Variants in SLC16A12 observed in about 807,000 individuals in gnomAD.
The protein encoded by SLC16A12 is solute carrier family 16 member 12, also known as monocarboxylate transporter 12.
SLC16A12 carries 17 observed loss-of-function variants against 42.4 expected under a neutral mutation model. The ratio of observed to expected loss-of-function variants is 0.40; its 90% CI spans 0.27 to 0.60. SLC16A12 has a LOEUF of 0.60. Ranked by LOEUF, SLC16A12 falls within the 20% of genes least tolerant of loss-of-function variation. SLC16A12 has a pLI of 0.42. For missense variants in SLC16A12, 544 were observed against 623.0 expected, an observed-to-expected ratio of 0.87 and a Z score of 1.35; for synonymous variants, 224 against 229.4, an observed-to-expected ratio of 0.98 and a Z score of 0.21.
chr10:89,489,464 G>A (rs975829333), intron 2 of SLC16A12, among the ~76,000 whole-genome samples: 8 of 151,886 alleles, frequency 5.3e-5, no homozygotes, highest in African/African-American at 1.7e-4. Context: ...TCAACCTCCC[G>A]ATTACCTGGG....
intron 6 of SLC16A12, among the ~76,000 whole-genome samples, chr10:89,436,954 T>A (rs1158628306): frequency 2.0e-5 from 3 of 148,294 alleles, no homozygotes; most frequent in Non-Finnish European, 3.0e-5. Context: ...TGTAAGAAAG[T>A]TTACAAATTT....
At position 89,503,309 on chromosome 10, in the gene SLC16A12, A is replaced by G. The variant is rs185909505; in HGVS notation, c.-47+31192T>C. 1.4e-3 allele frequency among the ~76,000 whole-genome samples: 216 copies of G among 152,332 alleles called. 2 individuals are homozygous for G. Among genetic ancestry groups the G allele is most frequent in the African/African-American group, 3.9e-3 (162 of 41,572 alleles). Reference sequence around the variant, plus strand: ...CCTTGTTTTATTTGAAAAAGATTAAAAAGGTGGTGACTCACTTTAATAGGA... The same window carrying G: ...CCTTGTTTTATTTGAAAAAGATTAAGAAGGTGGTGACTCACTTTAATAGGA... On this transcript the variant is annotated intron_variant, in intron 2 of 7. Transcript: ENST00000371790.
At chr10:89,469,500 T>C (rs139211333) in intron 2 of SLC16A12, among the ~76,000 whole-genome samples, 482 of 152,346 alleles carry the variant, frequency 3.2e-3, no homozygotes, top group African/African-American at 9.9e-3. Flanking sequence ...ACAAATTTCT[T>C]ATAGTCAGTA....
At chr10:89,458,975 C>T (rs570599620) in intron 3 of SLC16A12, among the ~76,000 whole-genome samples, 3 of 152,094 alleles carry the variant, frequency 2.0e-5, no homozygotes, top group South Asian at 2.1e-4. Flanking sequence ...TGTGGTATGT[C>T]GGAGGAGGGG....
chr10:89,458,700 G>A (rs1018364235), intron 3 of SLC16A12, among the ~76,000 whole-genome samples: 30 of 152,136 alleles, frequency 2.0e-4, no homozygotes, highest in Admixed American at 1.6e-3. Flanking sequence ...TTACGATTTG[G>A]TTGGGAACAA....
intron 2 of SLC16A12, among the ~76,000 whole-genome samples, chr10:89,497,224 T>C (rs1391326748): frequency 6.6e-6 from 1 of 152,192 alleles, no homozygotes; most frequent in Non-Finnish European, 1.5e-5. Context: ...AACTTAAAAC[T>C]GCTCTAAGAA....
upstream of SLC16A12, among the ~76,000 whole-genome samples, chr10:89,535,858 C>G (rs1843650816): frequency 6.6e-6 from 1 of 152,226 alleles, no homozygotes; most frequent in Non-Finnish European, 1.5e-5. Context: ...GGGCCGGGGG[C>G]CTAGCTGGCA....
At chr10:89,502,094 T>G (rs1470129569) in intron 2 of SLC16A12, among the ~76,000 whole-genome samples, 2 of 152,108 alleles carry the variant, frequency 1.3e-5, no homozygotes, top group Non-Finnish European at 2.9e-5. Context: ...TGTCACTGTC[T>G]CAGTTAGGGA....
chr10:89,500,099 A>G (rs1385543591), intron 2 of SLC16A12, among the ~76,000 whole-genome samples: 2 of 152,152 alleles, frequency 1.3e-5, no homozygotes, highest in Non-Finnish European at 2.9e-5. Context: ...CAAAGCAGGA[A>G]GAATTAGAAA....
At chr10:89,521,221 C>G (rs1213279909) in intron 2 of SLC16A12, among the ~76,000 whole-genome samples, 3 of 152,322 alleles carry the variant, frequency 2.0e-5, no homozygotes, top group Admixed American at 2.0e-4. Context: ...GACATTGTAG[C>G]TGATCCCATT....
At chr10:89,489,837 A>G (rs1323159631) in intron 2 of SLC16A12, among the ~76,000 whole-genome samples, 1 of 152,214 alleles carries the variant, frequency 6.6e-6, no homozygotes, top group Non-Finnish European at 1.5e-5. Flanking sequence ...ATATGATGAA[A>G]AAAGGTATAA....
At chr10:89,490,258 G>C (rs147996380) in intron 2 of SLC16A12, among the ~76,000 whole-genome samples, 84 of 152,220 alleles carry the variant, frequency 5.5e-4, no homozygotes, top group African/African-American at 1.6e-3. Flanking sequence ...AGGTCATGTC[G>C]GTTTATATGT....
upstream of SLC16A12, among the ~76,000 whole-genome samples, chr10:89,535,751 G>C (rs981840004): frequency 2.6e-5 from 4 of 152,002 alleles, no homozygotes; most frequent in African/African-American, 9.7e-5. Flanking sequence ...CCGCCGAGCC[G>C]CGTCCCTGCG....
rs552215382 is a variant in SLC16A12 at position 89,550,375 on chromosome 10, C to T, written c.-47+5507G>A. ...CTCTACTAAAAATACAAAAATTAGACGGGTGTGGTGGCAGGTGCCTGTAAT... is the reference window on the plus strand; with the variant it reads ...CTCTACTAAAAATACAAAAATTAGATGGGTGTGGTGGCAGGTGCCTGTAAT... On this transcript the variant is annotated intron_variant, in intron 2 of 2. Transcript: ENST00000475682. 3.7e-4 allele frequency among the ~76,000 whole-genome samples: 56 copies of T among 152,124 alleles called. No individual in the cohort carries two copies. In the East Asian group the frequency reaches 7.9e-3, roughly 22 times the overall value.
intron 2 of SLC16A12, among the ~76,000 whole-genome samples, chr10:89,507,396 C>G (rs999070889): frequency 3.9e-5 from 6 of 152,180 alleles, no homozygotes; most frequent in Non-Finnish European, 5.9e-5. Context: ...CCCTACAAGC[C>G]AGAAGGGAGT....
In SLC16A12 at chr10:89,486,664, A is replaced by AAAGAAAGAAAGAAAGG. The variant is rs1564585989; in HGVS notation, c.-46-24041_-46-24040insCCTTTCTTTCTTTCTT. On this transcript the variant is annotated intron_variant, in intron 2 of 7. Transcript: ENST00000371790. Reference sequence around the variant, plus strand: ...GAAAGAAAGAAAGAAAGAAAGAAAGAAAAGAAAGAAAGAAAGAAAAGAAAG... The same window carrying AAAGAAAGAAAGAAAGG: ...GAAAGAAAGAAAGAAAGAAAGAAAGAAAGAAAGAAAGAAAGGAAAGAAAGAAAGAAAGAAAAGAAAG... 6.0e-4 allele frequency among the ~76,000 whole-genome samples: 56 copies of AAAGAAAGAAAGAAAGG among 94,062 alleles called. 1 individual carries two copies. The highest frequency in any genetic ancestry group is 1.4e-3 in the Admixed American group (15 of 10,720). 61.7% of individuals were successfully genotyped at this position (94,062 alleles called of 152,430 possible).
upstream of SLC16A12, among the ~76,000 whole-genome samples, chr10:89,537,985 A>C (rs1843691414): frequency 6.6e-6 from 1 of 152,212 alleles, no homozygotes; most frequent in African/African-American, 2.4e-5. Context: ...GGTGATGGTG[A>C]GTGCAATGCG....
intron 2 of SLC16A12, among the ~76,000 whole-genome samples, chr10:89,497,030 A>G (rs953636065): frequency 1.3e-5 from 2 of 152,210 alleles, no homozygotes; most frequent in Non-Finnish European, 2.9e-5. Context: ...TTTAAAACAC[A>G]ATGAGAAAAG....
chr10:89,541,218 G>A (rs1393970507), intron 2 of SLC16A12, among the ~76,000 whole-genome samples: 3 of 151,932 alleles, frequency 2.0e-5, no homozygotes, highest in Non-Finnish European at 4.4e-5. Flanking sequence ...GAGCCACCAC[G>A]CCTGGCTGCA....
Sources: allele counts gnomAD v4.1 joint callset (sites outside exome capture counted in the v4.1 genomes callset), GRCh38; gene constraint gnomAD v4.1.1; transcripts MANE v1.5; gene names NCBI Gene and HGNC (gene_info 2026-07-23, HGNC 2026-07-21).